The following SHOC2 variants were observed in gnomAD, a reference collection of about 807,000 sequenced individuals.
The protein encoded by SHOC2 is leucine-rich repeat protein SHOC-2.
SHOC2 carries 4 observed loss-of-function variants against 50.2 expected under a neutral mutation model. The observed-to-expected ratio is 0.08, with a 90% CI of 0.04 to 0.18. The LOEUF is 0.18. Among genes scored for constraint, SHOC2 ranks in the 10% least tolerant of loss-of-function variants. The pLI is 1.00. For synonymous variants in SHOC2, 218 were observed against 244.5 expected (o/e 0.89, Z 1.01); for missense variants, 388 against 669.6 (o/e 0.58, Z 4.64).
rs11379743 is a variant in SHOC2, at chr10:111,001,157, C to CTT, written c.972+628_972+629dup. On this transcript the variant is annotated intron_variant, in intron 4 of 8. Transcript: ENST00000369452. ...GGGATTAATTGGGTAAGATATAATA[C>CTT]TTTTTTTTTTTTTTTTTGAGGCAGA... Among the ~76,000 whole-genome samples, 553 of 129,182 alleles carry CTT rather than the reference C, an allele frequency of 4.3e-3. 11 individuals carry two copies. The highest frequency in any genetic ancestry group is 7.9e-3 in the Admixed American group (98 of 12,348). 84.7% of individuals were successfully genotyped at this position (129,182 alleles called of 152,430 possible).
intron 4 of SHOC2, among the ~76,000 whole-genome samples, chr10:111,002,783 A>C (rs12358859): frequency 3.3e-5 from 5 of 152,118 alleles, no homozygotes; most frequent in East Asian, 1.9e-4. Context: ...TTCTAACAAA[A>C]AAAAAAAAAT....
chr10:110,955,066 T>G (rs1353065800), intron 1 of SHOC2, among the ~76,000 whole-genome samples: 2 of 152,182 alleles, frequency 1.3e-5, no homozygotes, highest in African/African-American at 4.8e-5. Flanking sequence ...TAGTCCTCTG[T>G]AACATTTTGT....
chr10:110,936,510 A>G (rs1847015056), intron 1 of SHOC2: 1 of 593,662 alleles, frequency 1.7e-6, no homozygotes, highest in Admixed American at 3.2e-5. Flanking sequence ...TTTGAGAAAC[A>G]GTAATTTTAC....
intron 5 of SHOC2, among the ~76,000 whole-genome samples, chr10:111,006,393 C>T (rs563940347): frequency 7.2e-5 from 11 of 152,232 alleles, no homozygotes; most frequent in African/African-American, 2.6e-4. Flanking sequence ...GTTTTTGAGA[C>T]GGAGTCTCGC....
At chr10:110,973,881 C>CTATA (rs1018921122) in intron 2 of SHOC2, among the ~76,000 whole-genome samples, 1 of 149,448 alleles carries the variant, frequency 6.7e-6, no homozygotes, top group Non-Finnish European at 1.5e-5. Context: ...TATATATACA[C>CTATA]TATATATATA....
At chr10:110,952,247 G>C (rs953953943) in intron 1 of SHOC2, among the ~76,000 whole-genome samples, 1 of 152,034 alleles carries the variant, frequency 6.6e-6, no homozygotes, top group African/African-American at 2.4e-5. Flanking sequence ...AATTGAGTTG[G>C]AAGTACAGAG....
intron 2 of SHOC2, among the ~76,000 whole-genome samples, chr10:110,982,167 C>T: frequency 6.8e-6 from 1 of 148,114 alleles, no homozygotes; most frequent in African/African-American, 2.5e-5. Flanking sequence ...CATCCATGTC[C>T]CTACAAAGGA....
intron 3 of SHOC2, among the ~76,000 whole-genome samples, chr10:110,990,134 GC>G (rs1436932810): frequency 2.6e-5 from 4 of 152,260 alleles, no homozygotes; most frequent in Non-Finnish European, 5.9e-5. Flanking sequence ...ATGTTCAAGG[GC>G]TGAGGAAGGC....
chr10:110,957,718 T>A (rs918876679), intron 1 of SHOC2, among the ~76,000 whole-genome samples: 9 of 152,268 alleles, frequency 5.9e-5, no homozygotes, highest in Admixed American at 4.6e-4. Context: ...AACTTTAAAT[T>A]AATTTAGGAA....
intron 8 of SHOC2, 72 bp downstream of exon 8, chr10:111,009,902 A>C: frequency 2.3e-6 from 2 of 861,878 alleles, no homozygotes; most frequent in South Asian, 2.8e-5. Flanking sequence ...ATTTCAGATA[A>C]ATATGACAAA....
At chr10:110,961,325 A>C (rs1467179382) in intron 1 of SHOC2, among the ~76,000 whole-genome samples, 1 of 152,232 alleles carries the variant, frequency 6.6e-6, no homozygotes, top group Non-Finnish European at 1.5e-5. Context: ...ATTTCCAAGA[A>C]ACATGAAAGA....
intron 1 of SHOC2, among the ~76,000 whole-genome samples, chr10:110,939,581 ATGATGTTAGAT>A (rs1400148343): frequency 6.6e-6 from 1 of 152,152 alleles, no homozygotes; most frequent in Admixed American, 6.5e-5. Flanking sequence ...AGTCATCCAT[ATGATGTTAGAT>A]TGATGTTAGA....
At chr10:110,974,165 A>G (rs1847833954) in intron 2 of SHOC2, among the ~76,000 whole-genome samples, 1 of 152,028 alleles carries the variant, frequency 6.6e-6, no homozygotes, top group South Asian at 2.1e-4. Context: ...CCCTCAAAGT[A>G]CTTTTTTAGC....
rs1166465738 is a variant in SHOC2, at chr10:111,012,001, T to G, written c.*183T>G. On this transcript the variant is annotated 3_prime_UTR_variant, in exon 9 of 9. Coordinates refer to ENST00000369452, the MANE Select transcript of SHOC2 (RefSeq NM_007373.4). The stretch of plus-strand genomic sequence containing the variant: ...TTTTTTTAAATTCTGTACAAAAGGC[T>G]TATATAAGTTTTCTTTGCTGAATTT... 1 of 598,688 alleles carries G rather than the reference T, an allele frequency of 1.7e-6. No homozygotes were observed. Among genetic ancestry groups the G allele is most frequent in the Admixed American group, 3.0e-5 (1 of 32,990 alleles). 37.1% of individuals were successfully genotyped at this position (598,688 alleles called of 1,614,324 possible).
chr10:110,923,076 T>G (rs906388368), intron 1 of SHOC2, among the ~76,000 whole-genome samples: 4 of 152,096 alleles, frequency 2.6e-5, no homozygotes, highest in African/African-American at 9.7e-5. Context: ...ATCCTTGTAA[T>G]CCCCTATTTT....
At chr10:110,985,557 C>A in intron 2 of SHOC2, 71 bp from the exon 3 acceptor site, 3 of 1,126,726 alleles carry the variant, frequency 2.7e-6, no homozygotes, top group South Asian at 1.4e-5. Context: ...GATTTATTTT[C>A]TTGCTTAGAA....
At chr10:110,945,724 T>G (rs1414971595) in intron 1 of SHOC2, among the ~76,000 whole-genome samples, 2 of 152,154 alleles carry the variant, frequency 1.3e-5, no homozygotes, top group African/African-American at 4.8e-5. Context: ...AGGCTTACCC[T>G]GTGTGTGAAT....
chr10:110,953,467 G>A (rs1847396712), intron 1 of SHOC2, among the ~76,000 whole-genome samples: 1 of 152,070 alleles, frequency 6.6e-6, no homozygotes, highest in African/African-American at 2.4e-5. Flanking sequence ...TGGCTTGATA[G>A]CTTATTTCAT....
intron 2 of SHOC2, among the ~76,000 whole-genome samples, chr10:110,970,729 G>GT (rs56760151): frequency 1.8e-4 from 24 of 136,304 alleles, no homozygotes; most frequent in African/African-American, 5.4e-4. Flanking sequence ...TTGTGATGAT[G>GT]TTTTTTTTTT....
Sources: allele counts gnomAD v4.1 joint callset (sites outside exome capture counted in the v4.1 genomes callset), GRCh38; gene constraint gnomAD v4.1.1; transcripts MANE v1.5; gene names NCBI Gene and HGNC (gene_info 2026-07-23, HGNC 2026-07-21).